Variants in COMMD5 observed in about 807,000 individuals in gnomAD.
The protein encoded by COMMD5 is COMM domain containing 5.
Under a neutral mutation model 6.9 loss-of-function variants are expected in COMMD5, and 10 were observed. The observed-to-expected ratio is 1.44, with a 90% confidence interval of 0.89 to 2.45. COMMD5 has a LOEUF of 2.45. COMMD5 is among the 30% of genes most tolerant of loss of function. The pLI is 0.00. For synonymous variants in COMMD5, 127 were observed against 125.3 expected (o/e 1.01, Z -0.09); for missense variants, 234 against 287.8 (o/e 0.81, Z 1.35).
rs1586863206 is a variant in COMMD5 at position 144,850,977 on chromosome 8, T to C, written c.362A>G (p.Asp121Gly). The change falls in exon 2 of 2, where the codon GAC (aspartate) becomes GGC (glycine). Residue 121 changes from aspartate (D) to glycine (G), a missense_variant. Transcript: ENST00000305103. This position sits in a 1 kb window ranked among gnomAD's most constrained non-coding sequence, Gnocchi z 4.0. Reference protein sequence around the residue: ...DQLQELCIPQDLVGDLASVVF... With the variant: ...DQLQELCIPQGLVGDLASVVF... ...CACGCTGGCCAAGTCCCCGACCAGG[T>C]CTTGGGGGATGCAGAGCTCCTGGAG... 1 of 1,611,698 alleles carries C rather than the reference T, an allele frequency of 6.2e-7. No homozygotes were observed. Among genetic ancestry groups the C allele is most frequent in the South Asian group, 1.1e-5 (1 of 90,902 alleles).
Position 144,850,679 on chromosome 8 carries a change from G to A in COMMD5, c.660C>T (p.Arg220=), listed in dbSNP as rs570899700. Residue 220 remains arginine (R), a synonymous_variant, in exon 2 of 2, where the codon CGC becomes CGT. Transcript: ENST00000305103. The surrounding 1 kb of genome is among the most constrained non-coding windows in gnomAD (Gnocchi z 4.0). ...AAGTGAGGGGTCAGTCCTGCAGTCT[G>A]CGCTCACACCTCTTCTCCAGATCTG... ...EMADLEKRCE[R]RLQD 9.3e-6 allele frequency: 15 copies of A among 1,613,448 alleles called. No homozygotes were observed. The South Asian group carries it at 1.5e-4, about 17-fold the overall frequency.
In COMMD5 at chr8:144,850,285, A is replaced by G. The variant is rs914601050; in HGVS notation, c.*379T>C. ...TTAAGGCAGAAGAGTGAAAATGCCC[A>G]ACCTAAAACACAAGATCTACAAAAG... On this transcript the variant is annotated 3_prime_UTR_variant, in exon 2 of 2. Transcript: ENST00000305103. This position sits in a 1 kb window ranked among gnomAD's most constrained non-coding sequence, Gnocchi z 4.0. 5.5e-6 allele frequency: 1 copy of G among 181,416 alleles called. No individual in the cohort carries two copies. The highest frequency in any genetic ancestry group is 2.4e-5 in the African/African-American group (1 of 42,414). The allele number at this position is 181,416 out of a possible 1,614,324, so 11.2% of individuals were successfully genotyped here.
chr8:144,840,971 G>T (rs986031996), downstream of COMMD5: 1 of 201,684 alleles, frequency 5.0e-6, no homozygotes, highest in Non-Finnish European at 1.0e-5. Flanking sequence ...CTGTTTCCTC[G>T]CCAGCTCGGA....
intron 1 of COMMD5, chr8:144,842,034 G>A: frequency 6.2e-7 from 1 of 1,613,958 alleles, no homozygotes; most frequent in Non-Finnish European, 8.5e-7. Context: ...ACAGATGTGA[G>A]GAATGTGGAA....
downstream of COMMD5, chr8:144,838,941 CAAAAAAAAAAAA>C (rs56967328): frequency 2.7e-4 from 18 of 65,870 alleles, no homozygotes; most frequent in Middle Eastern, 7.4e-3. Flanking sequence ...GATGACGTCT[CAAAAAAAAAAAA>C]AAAAAAAAAG....
intron 1 of COMMD5, 51 bp downstream of exon 1, chr8:144,852,788 G>C (rs1029565663): frequency 6.6e-6 from 1 of 152,342 alleles, no homozygotes; most frequent in Non-Finnish European, 1.5e-5. Context: ...GGTGCACAGA[G>C]TCAAATTGGC....
rs2130777386 is a variant in COMMD5, at chr8:144,851,027, C to T, written c.312G>A (p.Leu104=). The stretch of plus-strand genomic sequence containing the variant: ...GCTGGTCCCTGAAGGTGTCAGGCTT[C>T]AGGCTGGTGGGGGGCAGACGGAGGG... ...QQALRLPPTS[L]KPDTFRDQLQ... is the part of the protein sequence containing the mutation. Residue 104 remains leucine (L), a synonymous_variant, in exon 2 of 2, where the codon CTG becomes CTA. Coordinates refer to ENST00000305103, the MANE Select transcript of COMMD5 (RefSeq NM_014066.4). 1 of 1,612,660 alleles carries T rather than the reference C, an allele frequency of 6.2e-7. No homozygotes were observed. The highest frequency in any genetic ancestry group is 8.5e-7 in the Non-Finnish European group (1 of 1,179,822).
chr8:144,843,998 G>T (rs550088680), intron 1 of COMMD5, among the ~76,000 whole-genome samples: 2 of 152,288 alleles, frequency 1.3e-5, no homozygotes, highest in East Asian at 3.9e-4. Context: ...TGGGCTAGCA[G>T]GTACACGCCA....
At chr8:144,841,514 T>A in exon 2 of COMMD5, 1 of 1,614,216 alleles carries the variant, frequency 6.2e-7, no homozygotes, top group Non-Finnish European at 8.5e-7. Flanking sequence ...GACAGTCATC[T>A]GGGCAGTCCC....
At chr8:144,851,921 T>C (rs940601160) in intron 1 of COMMD5, among the ~76,000 whole-genome samples, 3 of 152,106 alleles carry the variant, frequency 2.0e-5, no homozygotes, top group African/African-American at 7.2e-5. Context: ...GCGGATCGCT[T>C]GAGCCCAGGA....
exon 2 of COMMD5, chr8:144,841,116 C>T: frequency 9.9e-6 from 5 of 505,258 alleles, no homozygotes; most frequent in Non-Finnish European, 1.8e-5. Flanking sequence ...CTCACAGAAC[C>T]CAGCCCTGCC....
downstream of COMMD5, among the ~76,000 whole-genome samples, chr8:144,845,188 C>A (rs1464049902): frequency 6.6e-6 from 1 of 152,140 alleles, no homozygotes; most frequent in African/African-American, 2.4e-5. Context: ...TAGAAGCTCA[C>A]GAGAAATCCT....
intron 1 of COMMD5, chr8:144,842,664 T>C (rs757080895): frequency 3.7e-6 from 6 of 1,613,784 alleles, no homozygotes; most frequent in East Asian, 4.5e-5. Flanking sequence ...AGAGAATCCA[T>C]AAAGGAGAGA....
chr8:144,842,997 AAAG>A, intron 1 of COMMD5: 1 of 1,614,210 alleles, frequency 6.2e-7, no homozygotes, highest in Non-Finnish European at 8.5e-7. Flanking sequence ...TTAATACTAT[AAAG>A]AAACTGCATC....
At chr8:144,848,749 T>C (rs1830617514), downstream of COMMD5, among the ~76,000 whole-genome samples, 2 of 152,138 alleles carry the variant, frequency 1.3e-5, no homozygotes, top group African/African-American at 4.8e-5. Context: ...AAAACCCCAC[T>C]GCTCCCCCTT....
downstream of COMMD5, chr8:144,838,082 G>A (rs1016470398): frequency 5.7e-6 from 4 of 702,890 alleles, no homozygotes; most frequent in African/African-American, 5.2e-5. Context: ...TTTAGGGAAG[G>A]ATCCTGTCCT....
At chr8:144,841,289 A>AT (rs1829876593) in exon 2 of COMMD5, 18 of 1,497,148 alleles carry the variant, frequency 1.2e-5, no homozygotes, top group Non-Finnish European at 1.6e-5. Flanking sequence ...TGGCCCCCGC[A>AT]TTTGTAGTCT....
chr8:144,839,604 C>T (rs1829586797), downstream of COMMD5, among the ~76,000 whole-genome samples: 1 of 152,262 alleles, frequency 6.6e-6, no homozygotes, highest in Non-Finnish European at 1.5e-5. Context: ...AATAGAATCC[C>T]ACAGTAGGTG....
At chr8:144,841,764 A>C (rs377185328) in intron 1 of COMMD5, 2 of 1,614,044 alleles carry the variant, frequency 1.2e-6, no homozygotes, top group Non-Finnish European at 1.7e-6. Flanking sequence ...AAATTAATAC[A>C]CAGAAAATTA....
Sources: gnomAD v4.1 joint callset for allele counts (sites outside exome capture counted in the v4.1 genomes callset) on GRCh38, gnomAD v4.1.1 for gene constraint, Gnocchi (gnomAD v3.1) non-coding constraint, MANE v1.5 for transcripts, NCBI Gene and HGNC (gene_info 2026-07-23, HGNC 2026-07-21) for gene names.